The following ELOB variants were observed in gnomAD, a reference collection of about 807,000 sequenced individuals.
ELOB encodes elongin B.
In ELOB, 3 loss-of-function variants were observed where a neutral mutation model predicts 12.9. The observed-to-expected ratio is 0.23, with a 90% CI of 0.11 to 0.60. The LOEUF (loss-of-function observed/expected upper bound fraction) is 0.60. Ranked by LOEUF, ELOB falls within the 20% of genes least tolerant of loss-of-function variation. The pLI, the probability that ELOB is intolerant of heterozygous loss-of-function variation, is 0.89. For missense variants in ELOB, 126 were observed against 159.2 expected, an observed-to-expected ratio of 0.79 and a Z score of 1.12; for synonymous variants, 84 against 67.4, an observed-to-expected ratio of 1.25 and a Z score of -1.21.
rs200603469 is a variant in ELOB at position 2,771,443 on chromosome 16, G to A, written c.*547C>T. 1 of 1,614,150 alleles carries A rather than the reference G, an allele frequency of 6.2e-7. No individual in the cohort carries two copies. Among genetic ancestry groups the A allele is most frequent in the Non-Finnish European group, 8.5e-7 (1 of 1,180,002 alleles). The stretch of plus-strand genomic sequence containing the variant: ...TCTGTAGACTGTTTATTAAAGGTGT[G>A]TTAAGGGGGCAGCCACTTCCCTCCG... On this transcript the variant is annotated 3_prime_UTR_variant, in exon 4 of 4. Transcript: ENST00000409906.
Position 2,771,987 on chromosome 16 carries a change from TC to T in ELOB, c.*2del, listed in dbSNP as rs3214191. 1,130,770 of 1,609,282 alleles carry T rather than the reference TC, an allele frequency of 0.7. 406,314 individuals are homozygous for T. Among genetic ancestry groups the T allele is most frequent in the Admixed American group, 0.82 (48,721 of 59,252 alleles). Reference sequence around the variant, plus strand: ...TTGGGGGAAATGGGCCTCTTGGGGGTCCTCACTGCACGGCTTGTTCATTGGC... The same window carrying T: ...TTGGGGGAAATGGGCCTCTTGGGGGTCTCACTGCACGGCTTGTTCATTGGC... On this transcript the variant is annotated 3_prime_UTR_variant, in exon 4 of 4. Transcript: ENST00000409906.
chr16:2,773,436 T>C (rs552331604), intron 3 of ELOB, among the ~76,000 whole-genome samples: 12 of 152,326 alleles, frequency 7.9e-5, no homozygotes, highest in African/African-American at 2.9e-4. Context: ...ACCTCCCTCA[T>C]TCTTTTGTGA....
At chr16:2,775,651 G>GA in intron 2 of ELOB, 95 bp from the exon 3 acceptor site, 1 of 925,794 alleles carries the variant, frequency 1.1e-6, no homozygotes, top group Non-Finnish European at 1.6e-6. Context: ...GAGGAGGGAA[G>GA]AGAGAGTTCC....
At chr16:2,772,357 A>C (rs1039267881) in intron 3 of ELOB, 10 of 298,160 alleles carry the variant, frequency 3.4e-5, no homozygotes, top group African/African-American at 6.6e-5. Flanking sequence ...CCCTTTCCTC[A>C]TCTTCCATGT....
At chr16:2,775,956 T>C (rs898127648) in intron 2 of ELOB, among the ~76,000 whole-genome samples, 2 of 152,130 alleles carry the variant, frequency 1.3e-5, no homozygotes, top group Non-Finnish European at 2.9e-5. Flanking sequence ...ATAAGCGCTA[T>C]CATAGCCCCC....
intron 2 of ELOB, 61 bp downstream of exon 2, chr16:2,776,932 G>A: frequency 7.9e-6 from 12 of 1,517,554 alleles, no homozygotes; most frequent in Non-Finnish European, 1.1e-5. Context: ...GGACAGCGTA[G>A]GCGTCAGCCC....
chr16:2,776,518 C>CT (rs1374458351), intron 2 of ELOB, among the ~76,000 whole-genome samples: 1 of 152,194 alleles, frequency 6.6e-6, no homozygotes, highest in Non-Finnish European at 1.5e-5. Context: ...CAAACGGTTG[C>CT]TTGGTGAAGA....
intron 3 of ELOB, among the ~76,000 whole-genome samples, chr16:2,774,258 T>G (rs925518285): frequency 1.3e-5 from 2 of 152,138 alleles, no homozygotes; most frequent in African/African-American, 4.8e-5. Context: ...AATGCACCCA[T>G]GTACAAGGCA....
intron 3 of ELOB, 71 bp from the exon 4 acceptor site, chr16:2,772,173 G>T (rs2285877): frequency 1.4e-6 from 2 of 1,472,812 alleles, no homozygotes; most frequent in Admixed American, 2.5e-5. Flanking sequence ...TGGTGTTCAC[G>T]TGTGATCATC....
chr16:2,777,244 G>A lies in ELOB; in HGVS notation c.-5C>T. 1 of 1,023,252 alleles carries A rather than the reference G, an allele frequency of 9.8e-7. No individual in the cohort carries two copies. The highest frequency in any genetic ancestry group is 1.2e-6 in the Non-Finnish European group (1 of 854,488). 63.4% of individuals were successfully genotyped at this position (1,023,252 alleles called of 1,614,324 possible). ...TCCCCCACGCCCGCTCACCATCGCG[G>A]CTGCTGCCTCTCCCCTCGACGCGCC... is the stretch of plus-strand genomic sequence containing the variant. On this transcript the variant is annotated 5_prime_UTR_variant, in exon 1 of 4. Transcript: ENST00000409906.
chr16:2,777,270 G>T lies in ELOB; in HGVS notation c.-31C>A. 1 of 1,016,680 alleles carries T rather than the reference G, an allele frequency of 9.8e-7. No individual in the cohort carries two copies. Among genetic ancestry groups the T allele is most frequent in the Non-Finnish European group, 1.2e-6 (1 of 851,516 alleles). 63.0% of individuals were successfully genotyped at this position (1,016,680 alleles called of 1,614,324 possible). On this transcript the variant is annotated 5_prime_UTR_variant, in exon 1 of 4. Coordinates refer to ENST00000409906, the MANE Select transcript of ELOB (RefSeq NM_007108.4). ...CTGCTGCCTCTCCCCTCGACGCGCCGGCGCAGCCGCGCTCCGCCCCGTTCC... is the reference window on the plus strand; with the variant it reads ...CTGCTGCCTCTCCCCTCGACGCGCCTGCGCAGCCGCGCTCCGCCCCGTTCC...
chr16:2,776,936 T>G, intron 2 of ELOB, 57 bp downstream of exon 2: 1 of 1,517,082 alleles, frequency 6.6e-7, no homozygotes, highest in Non-Finnish European at 8.9e-7. Context: ...AGCGTAGGCG[T>G]CAGCCCCGTG....
intron 2 of ELOB, among the ~76,000 whole-genome samples, chr16:2,776,348 G>A (rs148659767): frequency 4.3e-3 from 654 of 152,224 alleles, no homozygotes; most frequent in Non-Finnish European, 6.8e-3. Flanking sequence ...GCACTTGGGC[G>A]ACAACCTCAC....
At chr16:2,772,125 G>A (rs1226896713) in intron 3 of ELOB, 23 bp from the exon 4 acceptor site, 1 of 1,571,720 alleles carries the variant, frequency 6.4e-7, no homozygotes, top group Admixed American at 1.9e-5. Context: ...CAGCAGAGCT[G>A]CAGGGGGGTA....
chr16:2,771,947 C>G lies in ELOB; in HGVS notation c.*43G>C. The G allele has an allele frequency of 1.9e-6, 3 of 1,590,850 alleles. No homozygotes were observed. Among genetic ancestry groups the G allele is most frequent in the Non-Finnish European group, 1.7e-6 (2 of 1,170,052 alleles). ...AAAAGAGGCAGCAACCAGGCAGACT[C>G]CCAAATCTCTTTTATTGGGGGAAAT... On this transcript the variant is annotated 3_prime_UTR_variant, in exon 4 of 4. Coordinates refer to ENST00000409906, the MANE Select transcript of ELOB (RefSeq NM_007108.4).
At chr16:2,772,927 C>G (rs74349088) in intron 3 of ELOB, among the ~76,000 whole-genome samples, 156 of 152,286 alleles carry the variant, frequency 1.0e-3, no homozygotes, top group African/African-American at 3.6e-3. Context: ...CTGGCTGCTT[C>G]TGGACTTTCA....
chr16:2,773,448 G>A (rs2068781139), intron 3 of ELOB, among the ~76,000 whole-genome samples: 1 of 152,172 alleles, frequency 6.6e-6, no homozygotes, highest in Non-Finnish European at 1.5e-5. Context: ...CTTTTGTGAT[G>A]AGCCGGGACA....
intron 3 of ELOB, among the ~76,000 whole-genome samples, chr16:2,774,161 C>T (rs1352062376): frequency 6.6e-6 from 1 of 152,214 alleles, no homozygotes; most frequent in Non-Finnish European, 1.5e-5. Context: ...ACCCGGGAGG[C>T]AGCGGCTGCA....
rs1233470569 is a variant in ELOB at position 2,777,243 on chromosome 16, G to A, written c.-4C>T. 2.9e-6 allele frequency: 3 copies of A among 1,020,838 alleles called. No homozygotes were observed. Among genetic ancestry groups the A allele is most frequent in the Non-Finnish European group, 3.5e-6 (3 of 853,076 alleles). 63.2% of individuals were successfully genotyped at this position (1,020,838 alleles called of 1,614,324 possible). ...CTCCCCCACGCCCGCTCACCATCGCGGCTGCTGCCTCTCCCCTCGACGCGC... is the reference window on the plus strand; with the variant it reads ...CTCCCCCACGCCCGCTCACCATCGCAGCTGCTGCCTCTCCCCTCGACGCGC... On this transcript the variant is annotated 5_prime_UTR_variant, in exon 1 of 4. Transcript: ENST00000409906.
Sources: allele counts gnomAD v4.1 joint callset (sites outside exome capture counted in the v4.1 genomes callset), GRCh38; gene constraint gnomAD v4.1.1; transcripts MANE v1.5; gene names NCBI Gene and HGNC (gene_info 2026-07-23, HGNC 2026-07-21).